The following FRMPD4 variants were observed in gnomAD, a reference collection of about 807,000 sequenced individuals.
The protein encoded by FRMPD4 is FERM and PDZ domain-containing protein 4.
In FRMPD4, 22 loss-of-function variants were observed where a neutral mutation model predicts 94.1. That is an observed-to-expected ratio of 0.23 (90% confidence interval 0.17 to 0.33). The LOEUF (loss-of-function observed/expected upper bound fraction) is 0.33, where lower values mean the gene tolerates loss of function less well. FRMPD4 is among the 10% of genes least tolerant of loss of function. The pLI, the probability that FRMPD4 is intolerant of heterozygous loss-of-function variation, is 1.00. For missense variants in FRMPD4, 1,111 were observed against 1,339.9 expected (o/e 0.83, Z 2.67); for synonymous variants, 631 against 548.6 (o/e 1.15, Z -2.10).
intron 3 of FRMPD4, among the ~76,000 whole-genome samples, chrX:11,947,095 A>T (rs2054193290): frequency 9.0e-6 from 1 of 111,521 alleles, no homozygotes; most frequent in South Asian, 3.8e-4. Context: ...GACCTTGAAG[A>T]GATATAGAGC....
chrX:12,307,003 A>G (rs2054951640), intron 1 of FRMPD4, among the ~76,000 whole-genome samples: 1 of 112,500 alleles, frequency 8.9e-6, no homozygotes, highest in East Asian at 2.8e-4. Flanking sequence ...CCAAGTGGGA[A>G]AGCAAGTGTG....
intron 4 of FRMPD4, among the ~76,000 whole-genome samples, chrX:12,624,784 A>G (rs1217795112): frequency 2.7e-5 from 3 of 111,692 alleles, no homozygotes; most frequent in Non-Finnish European, 5.6e-5. Context: ...TGGCTGACAA[A>G]TGAGATTACA....
intron 3 of FRMPD4, among the ~76,000 whole-genome samples, chrX:12,082,933 C>A (rs1264676062): frequency 8.9e-6 from 1 of 112,149 alleles, no homozygotes; most frequent in African/African-American, 3.2e-5. Context: ...CTGTTAAAAG[C>A]AATCCATTTT....
intron 3 of FRMPD4, among the ~76,000 whole-genome samples, chrX:12,130,161 CAG>C (rs1349250417): frequency 9.4e-6 from 1 of 106,247 alleles, no homozygotes; most frequent in African/African-American, 3.4e-5. Flanking sequence ...GGGGTGGGGA[CAG>C]AGATTTAATT....
chrX:11,832,714 A>G (rs183869336), intron 1 of FRMPD4, among the ~76,000 whole-genome samples: 1 of 111,786 alleles, frequency 8.9e-6, no homozygotes, highest in East Asian at 2.8e-4. Flanking sequence ...GGTTCACAGC[A>G]AAGTTGGGTG....
intron 3 of FRMPD4, among the ~76,000 whole-genome samples, chrX:12,611,448 C>T: frequency 9.9e-6 from 1 of 101,173 alleles, no homozygotes; most frequent in East Asian, 3.0e-4. Flanking sequence ...GATGTAACTT[C>T]TCTACATCTT....
chrX:12,353,982 T>C (rs2055854066), intron 1 of FRMPD4, among the ~76,000 whole-genome samples: 1 of 111,990 alleles, frequency 8.9e-6, no homozygotes, highest in South Asian at 3.7e-4. Context: ...GAAGTGAGCC[T>C]CAGAGGAGTT....
chrX:12,503,228 T>G (rs2057943464), intron 2 of FRMPD4, among the ~76,000 whole-genome samples: 1 of 111,731 alleles, frequency 9.0e-6, no homozygotes, highest in Non-Finnish European at 1.9e-5. Flanking sequence ...GAGAGGAGAC[T>G]GGAGGGTCAG....
At chrX:12,377,599 A>C (rs1185490540) in intron 1 of FRMPD4, among the ~76,000 whole-genome samples, 2 of 112,612 alleles carry the variant, frequency 1.8e-5, no homozygotes, top group Non-Finnish European at 3.7e-5. Flanking sequence ...GAAAAAGAGC[A>C]GCATGACATT....
chrX:12,027,231 T>G (rs2054666310), intron 3 of FRMPD4, among the ~76,000 whole-genome samples: 1 of 112,520 alleles, frequency 8.9e-6, no homozygotes, highest in African/African-American at 3.2e-5. Context: ...CTGAAAATTC[T>G]TATCAAAAGG....
intron 3 of FRMPD4, among the ~76,000 whole-genome samples, chrX:12,101,699 G>C (rs986791793): frequency 9.1e-6 from 1 of 110,148 alleles, no homozygotes; most frequent in Admixed American, 9.7e-5. Context: ...TAAAAAATTC[G>C]GACCGTATAT....
chrX:12,446,574 T>C (rs1008526151), intron 1 of FRMPD4, among the ~76,000 whole-genome samples: 46 of 81,290 alleles, frequency 5.7e-4, no homozygotes, highest in Middle Eastern at 6.6e-3. Context: ...TGGGGGTGGT[T>C]CTCCTACACT....
intron 1 of FRMPD4, among the ~76,000 whole-genome samples, chrX:12,263,649 G>C (rs903986762): frequency 1.8e-5 from 2 of 111,440 alleles, no homozygotes; most frequent in African/African-American, 6.5e-5. Flanking sequence ...CCAAAGCCTG[G>C]GTAGCTATAG....
At chrX:12,690,513 C>G (rs1325753170) in intron 8 of FRMPD4, among the ~76,000 whole-genome samples, 187 bp downstream of exon 8, 1 of 112,047 alleles carries the variant, frequency 8.9e-6, no homozygotes, top group African/African-American at 3.2e-5. Context: ...TTCTGCCCAT[C>G]TTTTGCAGAC....
At chrX:12,449,917 A>AGGT (rs962233289) in intron 1 of FRMPD4, among the ~76,000 whole-genome samples, 2 of 109,709 alleles carry the variant, frequency 1.8e-5, no homozygotes, top group African/African-American at 6.7e-5. Flanking sequence ...TGAGCCTGGG[A>AGGT]GGTGGAGGCT....
chrX:12,097,207 T>C (rs1291082354), intron 3 of FRMPD4, among the ~76,000 whole-genome samples: 1 of 111,937 alleles, frequency 8.9e-6, no homozygotes, highest in Non-Finnish European at 1.9e-5. Flanking sequence ...TCAGTCTTAG[T>C]AATTTGGAGA....
At chrX:12,293,195 G>T (rs974347077) in intron 1 of FRMPD4, among the ~76,000 whole-genome samples, 1 of 112,197 alleles carries the variant, frequency 8.9e-6, no homozygotes, top group Non-Finnish European at 1.9e-5. Context: ...GAGGCTGGGT[G>T]AAAGAATGCT....
intron 2 of FRMPD4, among the ~76,000 whole-genome samples, chrX:12,573,626 C>T (rs1050956022): frequency 5.3e-5 from 6 of 112,490 alleles, no homozygotes; most frequent in Non-Finnish European, 7.5e-5. Context: ...TGTCACTTAA[C>T]GGGGGTCCAT....
At chrX:11,854,890 AC>A (rs1352078890) in intron 1 of FRMPD4, among the ~76,000 whole-genome samples, 1 of 111,490 alleles carries the variant, frequency 9.0e-6, no homozygotes, top group Non-Finnish European at 1.9e-5. Flanking sequence ...TCACAGCTCC[AC>A]CAGGCAATGC....
Sources: gnomAD v4.1 joint callset for allele counts (sites outside exome capture counted in the v4.1 genomes callset) on GRCh38, gnomAD v4.1.1 for gene constraint, MANE v1.5 for transcripts, NCBI Gene and HGNC (gene_info 2026-07-23, HGNC 2026-07-21) for gene names.